The following SPATA13 variants were observed in gnomAD, a reference collection of about 807,000 sequenced individuals.
SPATA13 encodes spermatogenesis associated 13.
SPATA13 carries 50 observed loss-of-function variants against 104.0 expected under a neutral mutation model. The ratio of observed to expected loss-of-function variants is 0.48; its 90% confidence interval spans 0.38 to 0.61. SPATA13 has a LOEUF of 0.61. Among genes scored for constraint, SPATA13 ranks in the 20% least tolerant of loss-of-function variants. SPATA13 has a pLI of 0.00. For synonymous variants in SPATA13, 606 were observed against 667.5 expected (o/e 0.91, Z 1.42); for missense variants, 1,524 against 1,690.6 (o/e 0.90, Z 1.73).
rs916661506 is a variant in SPATA13, at chr13:24,108,177, G to T, written c.-112+90476G>T. On this transcript the variant is annotated intron_variant, in intron 3 of 14. Coordinates refer to the SPATA13 transcript ENST00000424834. ...CACGCCCCTCAAGCCCTTTTATAGG[G>T]TTACTAATCCATGAGAGCTCCACCC... Among the ~76,000 whole-genome samples, 6 of 152,306 alleles carry T rather than the reference G, an allele frequency of 3.9e-5. No homozygotes were observed. In the South Asian group the frequency reaches 1.0e-3, roughly 26 times the overall value.
intron 3 of SPATA13, among the ~76,000 whole-genome samples, chr13:24,118,879 G>A (rs927206980): frequency 1.3e-5 from 2 of 151,174 alleles, no homozygotes; most frequent in African/African-American, 2.4e-5. Context: ...TTCCAACTCT[G>A]TCAGGTAGAC....
chr13:24,103,197 T>G (rs904971409), intron 3 of SPATA13, among the ~76,000 whole-genome samples: 10 of 151,516 alleles, frequency 6.6e-5, no homozygotes, highest in Non-Finnish European at 1.5e-5. Context: ...AAATACAGAG[T>G]AGTTATTGAC....
intron 3 of SPATA13, among the ~76,000 whole-genome samples, chr13:24,095,244 A>G (rs77787047): frequency 0.016 from 2,448 of 152,370 alleles, 56 homozygotes; most frequent in African/African-American, 0.045. Flanking sequence ...CAAAAAGAAG[A>G]AAAGCCTGTT....
chr13:24,189,944 C>CGTAATATATTATATATAATTAT (rs1566140820), intron 1 of SPATA13, among the ~76,000 whole-genome samples: 1,340 of 28,752 alleles, frequency 0.047, 188 homozygotes, highest in East Asian at 0.15. Context: ...TAATATATTA[C>CGTAATATATTATATATAATTAT]ATAATATATT....
chr13:24,212,137 G>C (rs1871054264), intron 1 of SPATA13, among the ~76,000 whole-genome samples: 1 of 152,090 alleles, frequency 6.6e-6, no homozygotes, highest in Admixed American at 6.5e-5. Context: ...AGGAGGCCAG[G>C]TGCGGTGGCT....
chr13:24,022,328 C>A (rs145786559), intron 3 of SPATA13, among the ~76,000 whole-genome samples: 2 of 152,190 alleles, frequency 1.3e-5, no homozygotes, highest in Admixed American at 6.5e-5. Context: ...TGAGCCACTG[C>A]GCCTGGCGAA....
At position 24,214,839 on chromosome 13, in the gene SPATA13, A is replaced by G. The variant is rs78538093; in HGVS notation, c.-111-7980A>G. 4.1e-3 allele frequency among the ~76,000 whole-genome samples: 630 copies of G among 152,308 alleles called. 20 individuals are homozygous for G. In the East Asian group the frequency reaches 0.098, roughly 24 times the overall value. On this transcript the variant is annotated intron_variant, in intron 1 of 12. Coordinates refer to ENST00000382108, the MANE Select transcript of SPATA13 (RefSeq NM_001166271.3). ...TCCTTTTTGAGATTCAACATATTTA[A>G]GTATTAGTGATTCTTTAGTTTTCCT...
At chr13:24,193,369 T>C (rs1255371673) in intron 1 of SPATA13, among the ~76,000 whole-genome samples, 1 of 152,024 alleles carries the variant, frequency 6.6e-6, no homozygotes, top group African/African-American at 2.4e-5. Context: ...ACGGAGGCAT[T>C]GTTGACACAG....
At chr13:24,108,663 G>GGGC (rs34735514) in intron 3 of SPATA13, among the ~76,000 whole-genome samples, 114,281 of 151,696 alleles carry the variant, frequency 0.75, 43,166 homozygotes, top group African/African-American at 0.76. Context: ...TCATGGTAGG[G>GGGC]GGGGGGAAGC....
intron 3 of SPATA13, among the ~76,000 whole-genome samples, chr13:24,081,680 AAAAT>A (rs1271166400): frequency 1.3e-5 from 2 of 151,116 alleles, no homozygotes; most frequent in African/African-American, 2.4e-5. Flanking sequence ...TGTCTCTTAA[AAAAT>A]AAATAAATAA....
chr13:24,101,950 C>T (rs1233744323), intron 3 of SPATA13, among the ~76,000 whole-genome samples: 6 of 152,130 alleles, frequency 3.9e-5, no homozygotes, highest in South Asian at 2.1e-4. Flanking sequence ...CATGGGTGGG[C>T]GAATATCTGC....
intron 1 of SPATA13, among the ~76,000 whole-genome samples, chr13:24,201,804 A>G (rs549126783): frequency 1.3e-5 from 2 of 152,300 alleles, no homozygotes; most frequent in South Asian, 4.1e-4. Flanking sequence ...ATTTACCATT[A>G]TGATGTTGTA....
intron 1 of SPATA13, among the ~76,000 whole-genome samples, chr13:24,175,078 C>T (rs1018449665): frequency 6.6e-6 from 1 of 152,034 alleles, no homozygotes; most frequent in African/African-American, 2.4e-5. Flanking sequence ...GGGTATTGGT[C>T]CATCTTGATA....
At chr13:24,273,316 T>C (rs1488979950) in intron 4 of SPATA13, among the ~76,000 whole-genome samples, 1 of 152,172 alleles carries the variant, frequency 6.6e-6, no homozygotes, top group Admixed American at 6.5e-5. Context: ...GGGCCCTAAG[T>C]TGAATACTGA....
chr13:24,047,170 T>A (rs1036777156), intron 3 of SPATA13, among the ~76,000 whole-genome samples: 29 of 152,282 alleles, frequency 1.9e-4, no homozygotes, highest in African/African-American at 6.3e-4. Flanking sequence ...GGTGCAGTCA[T>A]TCATTTGCCA....
At chr13:24,160,702 C>G (rs1049692897), upstream of SPATA13, 1 of 984,672 alleles carries the variant, frequency 1.0e-6, no homozygotes, top group Non-Finnish European at 1.2e-6. Flanking sequence ...GGGAGCGGGG[C>G]TGGGGCGTGG....
chr13:24,175,850 T>C (rs947449724), intron 1 of SPATA13, among the ~76,000 whole-genome samples: 5 of 152,260 alleles, frequency 3.3e-5, no homozygotes, highest in African/African-American at 4.8e-5. Flanking sequence ...CAGTGGCTTC[T>C]ATGCAGAGCG....
Position 24,030,061 on chromosome 13 carries a change from C to T in SPATA13, c.-112+12360C>T, listed in dbSNP as rs567995183. Among the ~76,000 whole-genome samples the T allele has an allele frequency of 7.2e-3, 991 of 138,010 alleles. 14 individuals are homozygous for T. The highest frequency in any genetic ancestry group is 0.026 in the African/African-American group (936 of 35,590). 90.5% of individuals were successfully genotyped at this position (138,010 alleles called of 152,430 possible). A position where few individuals can be genotyped will look rare whatever the true frequency, so the allele number is the denominator to read the frequency against. On this transcript the variant is annotated intron_variant, in intron 3 of 14. Coordinates refer to the SPATA13 transcript ENST00000424834. ...TACCTTCTCCTAACACACACACACA[C>T]ACACGCACACACACACACACACACA... is the stretch of plus-strand genomic sequence containing the variant.
chr13:24,111,461 G>A lies in SPATA13; in HGVS notation c.-112+93760G>A, dbSNP rs532026799. 4.0e-5 allele frequency among the ~76,000 whole-genome samples: 6 copies of A among 149,278 alleles called. No homozygotes were observed. The South Asian group carries it at 1.1e-3, about 27-fold the overall frequency. The stretch of plus-strand genomic sequence containing the variant: ...CTTGCTCTGTCACCGAGGCTGAAGT[G>A]CAGTGGTGCAATCACGGCTCACTGC... On this transcript the variant is annotated intron_variant, in intron 3 of 14. Coordinates refer to the SPATA13 transcript ENST00000424834.
Sources: gnomAD v4.1 joint callset for allele counts (sites outside exome capture counted in the v4.1 genomes callset) on GRCh38, gnomAD v4.1.1 for gene constraint, MANE v1.5 for transcripts, NCBI Gene and HGNC (gene_info 2026-07-23, HGNC 2026-07-21) for gene names.